Variants in EVC2 observed in about 807,000 individuals in gnomAD.
EVC2 encodes EvC ciliary complex subunit 2.
Under a neutral mutation model 149.3 loss-of-function variants are expected in EVC2, and 148 were observed. The observed-to-expected ratio is 0.99, with a 90% confidence interval of 0.87 to 1.14. The LOEUF (loss-of-function observed/expected upper bound fraction) is 1.14, where lower values mean the gene tolerates loss of function less well. Among genes scored for constraint, EVC2 ranks in the 50% most tolerant of loss-of-function variants. EVC2 has a pLI of 0.00. For synonymous variants in EVC2, 776 were observed against 649.9 expected (o/e 1.19, Z -2.95); for missense variants, 1,854 against 1,627.3 (o/e 1.14, Z -2.40).
chr4:5,668,442 C>G (rs746869094), intron 7 of EVC2, among the ~76,000 whole-genome samples: 1 of 152,190 alleles, frequency 6.6e-6, no homozygotes, highest in Non-Finnish European at 1.5e-5. Context: ...CCTCTTGATC[C>G]TAAATCTTGA....
chr4:5,628,752 A>C lies in EVC2; in HGVS notation c.1711-18T>G. On this transcript the variant is annotated intron_variant, in intron 11 of 21. Transcript: ENST00000344408. The stretch of plus-strand genomic sequence containing the variant: ...ACATTCTCCTGTCAATTAAAAAAAA[A>C]AACAAGAAAATATGCCTAATTAAAA... 6.2e-7 allele frequency: 1 copy of C among 1,610,310 alleles called. No individual in the cohort carries two copies. The highest frequency in any genetic ancestry group is 1.1e-5 in the South Asian group (1 of 90,468).
intron 9 of EVC2, among the ~76,000 whole-genome samples, chr4:5,650,636 T>TAGAGAGAGAGAGAGAG (rs1412059399): frequency 5.4e-5 from 3 of 55,664 alleles, no homozygotes; most frequent in Non-Finnish European, 1.0e-4. Flanking sequence ...TATATATATA[T>TAGAGAGAGAGAGAGAG]ATAGAGAGAG....
chr4:5,576,789 C>T lies in EVC2; in HGVS notation c.3058-335G>A, dbSNP rs892796026. ...GGATCCCTGAGTTCCTTGGGAGACACAGATGCCCTCTCCTCATGTGCCCAC... is the reference window on the plus strand; with the variant it reads ...GGATCCCTGAGTTCCTTGGGAGACATAGATGCCCTCTCCTCATGTGCCCAC... On this transcript the variant is annotated intron_variant, in intron 17 of 21. Transcript: ENST00000344408. This position sits in a 1 kb window ranked among gnomAD's most constrained non-coding sequence, Gnocchi z 4.5. Among the ~76,000 whole-genome samples, 1 of 152,230 alleles carries T rather than the reference C, an allele frequency of 6.6e-6. No individual in the cohort carries two copies. Among genetic ancestry groups the T allele is most frequent in the African/African-American group, 2.4e-5 (1 of 41,468 alleles).
intron 16 of EVC2, among the ~76,000 whole-genome samples, chr4:5,597,304 T>A (rs1321859290): frequency 6.6e-6 from 1 of 152,230 alleles, no homozygotes; most frequent in East Asian, 1.9e-4. Context: ...TGAACATTGA[T>A]GCAAAAATCC....
intron 1 of EVC2, among the ~76,000 whole-genome samples, chr4:5,702,340 T>C (rs2151744224): frequency 6.6e-6 from 1 of 152,276 alleles, no homozygotes; most frequent in South Asian, 2.1e-4. Context: ...TTTTTCCTGC[T>C]CCAAGAATGC....
At chr4:5,685,952 A>C (rs2151728640) in intron 5 of EVC2, among the ~76,000 whole-genome samples, 1 of 152,244 alleles carries the variant, frequency 6.6e-6, no homozygotes, top group South Asian at 2.1e-4. Context: ...CTTGTCCTCC[A>C]ATCTGCCTTT....
At chr4:5,647,646 T>C (rs965347127) in intron 9 of EVC2, among the ~76,000 whole-genome samples, 1 of 152,188 alleles carries the variant, frequency 6.6e-6, no homozygotes, top group East Asian at 1.9e-4. Context: ...CAAAATCCCT[T>C]CTCTACTCTG....
the EVC2 span, among the ~76,000 whole-genome samples, chr4:5,533,583 T>G: frequency 0.017 from 2,539 of 152,282 alleles, 38 homozygotes; most frequent in Admixed American, 0.035. Context: ...GAGATTAAGA[T>G]GCTTGTCTCA....
chr4:5,709,459 C>T (rs1276027241), upstream of EVC2: 1 of 152,232 alleles, frequency 6.6e-6, no homozygotes, highest in African/African-American at 2.4e-5. Flanking sequence ...CTGGCAGCCT[C>T]TCTCCCCATA....
At chr4:5,589,579 G>C (rs929879799) in intron 16 of EVC2, among the ~76,000 whole-genome samples, 6 of 152,134 alleles carry the variant, frequency 3.9e-5, no homozygotes, top group Non-Finnish European at 8.8e-5. Flanking sequence ...TACCCTAGTA[G>C]ACCTGCTGGG....
At position 5,640,994 on chromosome 4, in the gene EVC2, A is replaced by G. The variant is rs559738956; in HGVS notation, c.1146-156T>C. 5.9e-5 allele frequency among the ~76,000 whole-genome samples: 9 copies of G among 152,234 alleles called. No homozygotes were observed. The highest frequency in any genetic ancestry group is 1.9e-4 in the African/African-American group (8 of 41,566). On this transcript the variant is annotated intron_variant, in intron 9 of 21. Coordinates refer to ENST00000344408, the MANE Select transcript of EVC2 (RefSeq NM_147127.5). The surrounding 1 kb of genome is among the most constrained non-coding windows in gnomAD (Gnocchi z 4.6). ...CCGCTCACTTCTGCTTCATCCAGTT[A>G]TTGAAGGCCATTAGCTGACTCTTAC...
intron 18 of EVC2, 102 bp from the exon 19 acceptor site, chr4:5,574,874 T>C (rs1052160901): frequency 8.2e-7 from 1 of 1,219,780 alleles, no homozygotes; most frequent in African/African-American, 1.5e-5. Context: ...ATCTCAGCCA[T>C]ATGATTTTAA....
At chr4:5,662,474 A>T (rs531183007) in intron 9 of EVC2, among the ~76,000 whole-genome samples, 3 of 137,102 alleles carry the variant, frequency 2.2e-5, no homozygotes, top group South Asian at 2.2e-4. Context: ...TTATTAATAT[A>T]ATATTAAATA....
At position 5,613,357 on chromosome 4, in the gene EVC2, C is replaced by A. The variant is rs888162888; in HGVS notation, c.2829+2065G>T. ...ACCCCAGCTTTCCCTTCACAAGCAGCTCTTCTCCGACAACAGTCACCTTCA... is the reference window on the plus strand; with the variant it reads ...ACCCCAGCTTTCCCTTCACAAGCAGATCTTCTCCGACAACAGTCACCTTCA... On this transcript the variant is annotated intron_variant, in intron 16 of 21. Coordinates refer to ENST00000344408, the MANE Select transcript of EVC2 (RefSeq NM_147127.5). This position sits in a 1 kb window ranked among gnomAD's most constrained non-coding sequence, Gnocchi z 4.6. 6.6e-6 allele frequency among the ~76,000 whole-genome samples: 1 copy of A among 152,216 alleles called. No individual in the cohort carries two copies. The highest frequency in any genetic ancestry group is 6.5e-5 in the Admixed American group (1 of 15,288).
chr4:5,692,553 T>TAGAGGG (rs1396236083), intron 3 of EVC2, among the ~76,000 whole-genome samples: 4 of 152,094 alleles, frequency 2.6e-5, no homozygotes, highest in Non-Finnish European at 5.9e-5. Context: ...CTCCACAGTG[T>TAGAGGG]AACCCTCTCA....
At position 5,628,564 on chromosome 4, in the gene EVC2, G is replaced by A. The variant is rs1181526421; in HGVS notation, c.1881C>T (p.His627=). 8.1e-6 allele frequency: 13 copies of A among 1,613,872 alleles called. No individual in the cohort carries two copies. Among genetic ancestry groups the A allele is most frequent in the Middle Eastern group, 1.7e-4 (1 of 6,058 alleles). ...AAQLTHLIQK[H]ERAGYLDEDQ... ...GGGACAGTGTTGAGTGGTACCTCTCGTGCTTCTGAATGAGGTGAGTCAGCT... is the reference window on the plus strand; with the variant it reads ...GGGACAGTGTTGAGTGGTACCTCTCATGCTTCTGAATGAGGTGAGTCAGCT... Residue 627 remains histidine, a synonymous_variant, in exon 12 of 22, where the codon CAC becomes CAT. Coordinates refer to ENST00000344408, the MANE Select transcript of EVC2 (RefSeq NM_147127.5).
In EVC2 at chr4:5,697,577, C is replaced by T. The variant is rs781458255; in HGVS notation, c.283+16G>A. ...ATGCTCAAAACAGGGGAACATCAAC[C>T]AGAAGAAAAACTCACCTGCAGTCTT... On this transcript the variant is annotated intron_variant, in intron 2 of 21. Transcript: ENST00000344408. The T allele has an allele frequency of 1.2e-6, 2 of 1,613,980 alleles. No individual in the cohort carries two copies. Among genetic ancestry groups the T allele is most frequent in the Non-Finnish European group, 1.7e-6 (2 of 1,179,906 alleles).
rs1468421367 is a variant in EVC2 at position 5,708,503 on chromosome 4, G to C, written c.11C>G (p.Ser4Trp). 7.4e-6 allele frequency: 11 copies of C among 1,476,742 alleles called. No individual in the cohort carries two copies. Among genetic ancestry groups the C allele is most frequent in the Non-Finnish European group, 9.8e-6 (11 of 1,121,518 alleles). 91.5% of individuals were successfully genotyped at this position (1,476,742 alleles called of 1,614,324 possible). Residue 4 changes from serine (S) to tryptophan (W), a missense_variant, in exon 1 of 22, where the codon TCG becomes TGG. Coordinates refer to ENST00000344408, the MANE Select transcript of EVC2 (RefSeq NM_147127.5). The part of the protein sequence containing the change: MDP[S>W]GSRGRPTWVL... ...CCACGTGGGGCGCCCCCGGGAGCCC[G>C]AGGGGTCCATCGCCTGTCGGGACCC...
In EVC2 at chr4:5,622,659, C is replaced by T. The variant is rs984357172; in HGVS notation, c.2379G>A (p.Gly793=). The T allele has an allele frequency of 3.1e-6, 5 of 1,614,008 alleles. No individual in the cohort carries two copies. Among genetic ancestry groups the T allele is most frequent in the Middle Eastern group, 3.3e-4 (2 of 6,082 alleles). Reference sequence around the variant, plus strand: ...CCTCCTGGTCCCTGTCCCTCTCCTCCCCCTCCAGCTGCTCGGCCCGTGCAG... The same window carrying T: ...CCTCCTGGTCCCTGTCCCTCTCCTCTCCCTCCAGCTGCTCGGCCCGTGCAG... ...EMAARAEQLE[G]EERDRDQEGV... The change falls in exon 14 of 22, where the codon GGG becomes GGA. Residue 793 remains glycine, a synonymous_variant. Coordinates refer to ENST00000344408, the MANE Select transcript of EVC2 (RefSeq NM_147127.5). The surrounding 1 kb of genome is among the most constrained non-coding windows in gnomAD (Gnocchi z 5.8).
Sources: allele counts gnomAD v4.1 joint callset (sites outside exome capture counted in the v4.1 genomes callset), GRCh38; gene constraint gnomAD v4.1.1; non-coding constraint Gnocchi (gnomAD v3.1); transcripts MANE v1.5; gene names NCBI Gene and HGNC (gene_info 2026-07-23, HGNC 2026-07-21).